The following FEZ2 variants were observed in gnomAD, a reference collection of about 807,000 sequenced individuals.
The protein encoded by FEZ2 is fasciculation and elongation protein zeta-2.
In FEZ2, 51 loss-of-function variants were observed where a neutral mutation model predicts 40.4. The ratio of observed to expected loss-of-function variants is 1.26; its 90% CI spans 1.01 to 1.59. The LOEUF is 1.59. FEZ2 is among the 40% of genes most tolerant of loss of function. FEZ2 has a pLI of 0.00. For missense variants in FEZ2, 640 were observed against 438.3 expected, an observed-to-expected ratio of 1.46 and a Z score of -4.11; for synonymous variants, 242 against 172.0, an observed-to-expected ratio of 1.41 and a Z score of -3.18.
Position 36,555,717 on chromosome 2 carries a change from T to C in FEZ2, c.1011A>G (p.Lys337=). The part of the protein sequence containing the change: ...ILRAMKEDSE[K]VPSLLTDYIL... ...TATAATCAGTTAACAAGCTCGGAACTTTTTCACTGTCCTCCTTCATGGCAC... is the reference window on the plus strand; with the variant it reads ...TATAATCAGTTAACAAGCTCGGAACCTTTTCACTGTCCTCCTTCATGGCAC... Residue 337 remains lysine (K), a synonymous_variant, in exon 7 of 8, where the codon AAA becomes AAG. Coordinates refer to ENST00000405912, the MANE Select transcript of FEZ2 (RefSeq NM_005102.3). 1 of 1,597,576 alleles carries C rather than the reference T, an allele frequency of 6.3e-7. No individual in the cohort carries two copies. The highest frequency in any genetic ancestry group is 1.3e-5 in the African/African-American group (1 of 74,112).
chr2:36,554,139 G>A (rs1374836566), intron 7 of FEZ2: 1 of 452,972 alleles, frequency 2.2e-6, no homozygotes, highest in Non-Finnish European at 4.6e-6. Flanking sequence ...CTCATCAGAA[G>A]CAGGTACAGT....
intron 2 of FEZ2, among the ~76,000 whole-genome samples, chr2:36,587,918 G>A (rs1668949631): frequency 6.6e-6 from 1 of 152,180 alleles, no homozygotes; most frequent in Admixed American, 6.5e-5. Context: ...GAGAAACAGA[G>A]TTCTGATTTC....
At chr2:36,558,660 G>C (rs377685278) in intron 5 of FEZ2, 147 bp from the exon 6 acceptor site, 3 of 442,780 alleles carry the variant, frequency 6.8e-6, no homozygotes, top group Admixed American at 3.9e-5. Context: ...TGGGAATAAA[G>C]TTATCTTACT....
rs1667855531 is a variant in FEZ2, at chr2:36,552,919, TCTA to T, written c.*241_*243del. On this transcript the variant is annotated 3_prime_UTR_variant, in exon 8 of 8. Coordinates refer to ENST00000405912, the MANE Select transcript of FEZ2 (RefSeq NM_005102.3). ...CACAATTAATATTACTCTCTCTTAA[TCTA>T]CTAAGAGAACAGTTTATTAGTAGAT... 1 of 495,320 alleles carries T rather than the reference TCTA, an allele frequency of 2.0e-6. No individual in the cohort carries two copies. Among genetic ancestry groups the T allele is most frequent in the Non-Finnish European group, 3.6e-6 (1 of 277,308 alleles). The allele number at this position is 495,320 out of a possible 1,614,324, so 30.7% of individuals were successfully genotyped here.
At chr2:36,586,278 G>C (rs954391966) in intron 2 of FEZ2, among the ~76,000 whole-genome samples, 17 of 152,244 alleles carry the variant, frequency 1.1e-4, no homozygotes, top group African/African-American at 4.1e-4. Flanking sequence ...GTTGCAACTT[G>C]AGGACCATGA....
chr2:36,569,646 G>A (rs2125227564), intron 5 of FEZ2, among the ~76,000 whole-genome samples: 5 of 152,292 alleles, frequency 3.3e-5, no homozygotes, highest in Admixed American at 3.3e-4. Flanking sequence ...TCTACACACA[G>A]CATATTCACC....
intron 1 of FEZ2, among the ~76,000 whole-genome samples, chr2:36,593,614 G>C (rs1174403570): frequency 6.6e-6 from 1 of 152,044 alleles, no homozygotes. Context: ...GGAGCAGCTG[G>C]TACACAGGGC....
intron 1 of FEZ2, 48 bp downstream of exon 1, chr2:36,597,829 G>C (rs968422815): frequency 1.5e-5 from 19 of 1,289,832 alleles, no homozygotes; most frequent in Non-Finnish European, 1.8e-5. Context: ...GGTCGGGCGA[G>C]GGGTAGGGGA....
chr2:36,564,358 C>G (rs1218546177), intron 5 of FEZ2, among the ~76,000 whole-genome samples: 1 of 152,086 alleles, frequency 6.6e-6, no homozygotes, highest in Non-Finnish European at 1.5e-5. Flanking sequence ...ATTTAAAAAC[C>G]GGTTCCTCCT....
intron 1 of FEZ2, among the ~76,000 whole-genome samples, chr2:36,593,173 C>A (rs1314869645): frequency 6.6e-6 from 1 of 152,188 alleles, no homozygotes; most frequent in Non-Finnish European, 1.5e-5. Context: ...CTTACAGTTC[C>A]ACATGGCTGA....
In FEZ2 at chr2:36,552,888, C is replaced by T. The variant is rs1430663267; in HGVS notation, c.*275G>A. On this transcript the variant is annotated 3_prime_UTR_variant, in exon 8 of 8. Coordinates refer to ENST00000405912, the MANE Select transcript of FEZ2 (RefSeq NM_005102.3). ...TGTCAGTTAATGAGAAATACAACTG[C>T]ACATGCACAATTAATATTACTCTCT... 1 of 402,940 alleles carries T rather than the reference C, an allele frequency of 2.5e-6. No homozygotes were observed. Among genetic ancestry groups the T allele is most frequent in the Non-Finnish European group, 4.4e-6 (1 of 226,638 alleles). The allele number at this position is 402,940 out of a possible 1,614,324, so 25.0% of individuals were successfully genotyped here. A position where few individuals can be genotyped will look rare whatever the true frequency, so the allele number is the denominator to read the frequency against.
chr2:36,596,387 G>C (rs1669223085), intron 1 of FEZ2, among the ~76,000 whole-genome samples: 1 of 152,206 alleles, frequency 6.6e-6, no homozygotes, highest in Non-Finnish European at 1.5e-5. Flanking sequence ...CTCCTGTCCT[G>C]TCTCTCAAAA....
At chr2:36,569,579 A>C (rs1365436398) in intron 5 of FEZ2, among the ~76,000 whole-genome samples, 1 of 152,250 alleles carries the variant, frequency 6.6e-6, no homozygotes, top group East Asian at 1.9e-4. Context: ...AACAAGAATC[A>C]GATACAGTGC....
At chr2:36,581,958 T>G (rs1337055458) in intron 3 of FEZ2, among the ~76,000 whole-genome samples, 1 of 152,138 alleles carries the variant, frequency 6.6e-6, no homozygotes, top group Non-Finnish European at 1.5e-5. Context: ...AAAAATAATT[T>G]TATATATTAA....
chr2:36,565,831 G>A, intron 5 of FEZ2, among the ~76,000 whole-genome samples: 1 of 152,102 alleles, frequency 6.6e-6, no homozygotes, highest in East Asian at 1.9e-4. Flanking sequence ...ATCTCCACTA[G>A]CACCTCCGGT....
intron 3 of FEZ2, among the ~76,000 whole-genome samples, chr2:36,581,862 A>T (rs1668759672): frequency 6.6e-6 from 1 of 152,222 alleles, no homozygotes; most frequent in Non-Finnish European, 1.5e-5. Context: ...ATTCTGACAT[A>T]AAATTTATAA....
intron 2 of FEZ2, among the ~76,000 whole-genome samples, chr2:36,584,466 GAA>G (rs1178351653): frequency 1.3e-5 from 2 of 152,104 alleles, no homozygotes; most frequent in African/African-American, 4.8e-5. Context: ...AACTTTGCCT[GAA>G]AAAACTCAGC....
intron 2 of FEZ2, among the ~76,000 whole-genome samples, chr2:36,585,811 G>C (rs992860732): frequency 2.6e-5 from 4 of 152,210 alleles, no homozygotes; most frequent in Non-Finnish European, 2.9e-5. Context: ...GGAGGGTATA[G>C]TGTCAGGGAT....
At chr2:36,580,808 A>T (rs1215575241) in intron 4 of FEZ2, among the ~76,000 whole-genome samples, 2 of 152,164 alleles carry the variant, frequency 1.3e-5, no homozygotes, top group East Asian at 3.8e-4. Context: ...ATTACATTAA[A>T]ATAAGGTCAT....
Sources: gnomAD v4.1 joint callset for allele counts (sites outside exome capture counted in the v4.1 genomes callset) on GRCh38, gnomAD v4.1.1 for gene constraint, MANE v1.5 for transcripts, NCBI Gene and HGNC (gene_info 2026-07-23, HGNC 2026-07-21) for gene names.